The following SRFBP1 variants were observed in gnomAD, a reference collection of about 807,000 sequenced individuals.
SRFBP1 encodes serum response factor-binding protein 1.
SRFBP1 carries 47 observed loss-of-function variants against 45.5 expected under a neutral mutation model. The ratio of observed to expected loss-of-function variants is 1.03; its 90% CI spans 0.82 to 1.32. The LOEUF (loss-of-function observed/expected upper bound fraction) is 1.32, where lower values mean the gene tolerates loss of function less well. SRFBP1 is among the 40% of genes most tolerant of loss of function. SRFBP1 has a pLI of 0.00. For missense variants in SRFBP1, 621 were observed against 484.6 expected (o/e 1.28, Z -2.64); for synonymous variants, 203 against 166.3 (o/e 1.22, Z -1.70).
chr5:121,997,757 A>G (rs567389198), intron 4 of SRFBP1, among the ~76,000 whole-genome samples: 4 of 152,050 alleles, frequency 2.6e-5, no homozygotes, highest in African/African-American at 9.6e-5. Context: ...AATTTTCGCA[A>G]CCTACTCATC....
At chr5:122,039,946 CTT>C (rs1463303274) in intron 2 of SRFBP1, among the ~76,000 whole-genome samples, 2 of 152,074 alleles carry the variant, frequency 1.3e-5, no homozygotes, top group African/African-American at 4.8e-5. Flanking sequence ...CCTGGAGACT[CTT>C]TTTGCTTATC....
chr5:122,077,021 G>C, downstream of SRFBP1: 1 of 1,611,052 alleles, frequency 6.2e-7, no homozygotes, highest in South Asian at 1.1e-5. This position sits in a 1 kb window ranked among gnomAD's most constrained non-coding sequence, Gnocchi z 4.9. Context: ...AGCAGGCGAC[G>C]GGCGCAGCAG....
intron 2 of SRFBP1, among the ~76,000 whole-genome samples, chr5:122,048,272 C>T (rs1753900116): frequency 6.6e-6 from 1 of 152,160 alleles, no homozygotes; most frequent in African/African-American, 2.4e-5. Flanking sequence ...TGAATTTTCT[C>T]AGAGGCGTTT....
At chr5:122,077,435 T>G (rs372900070), downstream of SRFBP1, 1 of 1,614,060 alleles carries the variant, frequency 6.2e-7, no homozygotes. The surrounding 1 kb of genome is among the most constrained non-coding windows in gnomAD (Gnocchi z 4.9). Flanking sequence ...GTAGTAGTTG[T>G]AATAAGGGTT....
At chr5:121,971,641 C>T (rs1370818589) in intron 1 of SRFBP1, among the ~76,000 whole-genome samples, 1 of 151,950 alleles carries the variant, frequency 6.6e-6, no homozygotes, top group Non-Finnish European at 1.5e-5. Flanking sequence ...ATTAAATATG[C>T]ACACATAAGA....
At chr5:122,007,619 G>A (rs1175925497) in intron 4 of SRFBP1, among the ~76,000 whole-genome samples, 2 of 151,674 alleles carry the variant, frequency 1.3e-5, no homozygotes, top group Admixed American at 1.3e-4. Flanking sequence ...GGGCAGGCCC[G>A]GGACCTGTGT....
intron 3 of SRFBP1, among the ~76,000 whole-genome samples, chr5:121,991,585 T>C (rs1474511511): frequency 2.0e-5 from 3 of 152,192 alleles, no homozygotes; most frequent in Non-Finnish European, 4.4e-5. Context: ...GGAGCCTTAT[T>C]CTGAAAGTCA....
chr5:122,023,549 T>C (rs1753407859), intron 7 of SRFBP1, among the ~76,000 whole-genome samples: 1 of 152,230 alleles, frequency 6.6e-6, no homozygotes, highest in South Asian at 2.1e-4. Context: ...ACAGGTCTAC[T>C]ATCTGAAATT....
intron 2 of SRFBP1, among the ~76,000 whole-genome samples, chr5:122,071,445 G>A (rs954516548): frequency 6.6e-6 from 1 of 152,090 alleles, no homozygotes; most frequent in African/African-American, 2.4e-5. Context: ...TTTTGTTGAA[G>A]GGGTAAATGC....
Position 121,974,268 on chromosome 5 carries a change from C to T in SRFBP1, c.109C>T (p.Arg37Ter), listed in dbSNP as rs1370362238. The stretch of plus-strand genomic sequence containing the variant: ...CCGAAAACTTGTCAGGAGTGTTGGC[C>T]GACTGAAGTCAAAAAAGTTAGTCAT... Reference protein sequence around the residue: ...VIRKLVRSVGRLKSKKGTEDA... With the variant: ...VIRKLVRSVG The change falls in exon 2 of 8, where the codon CGA becomes TGA. Residue 37 changes from arginine to a stop codon, truncating the protein, a stop_gained. Transcript: ENST00000339397. LOFTEE classifies it high-confidence loss of function. The T allele has an allele frequency of 3.7e-6, 6 of 1,609,740 alleles. No individual in the cohort carries two copies. In the African/African-American group the frequency reaches 4.0e-5, roughly 11 times the overall value.
chr5:122,057,248 A>G (rs1312547055), intron 2 of SRFBP1, among the ~76,000 whole-genome samples: 2 of 152,132 alleles, frequency 1.3e-5, no homozygotes, highest in Admixed American at 1.3e-4. Flanking sequence ...AAACAGCTCC[A>G]AAAACAATGT....
intron 4 of SRFBP1, among the ~76,000 whole-genome samples, chr5:122,000,570 T>C (rs1752841832): frequency 6.6e-6 from 1 of 152,106 alleles, no homozygotes; most frequent in Non-Finnish European, 1.5e-5. Flanking sequence ...GAATTCTGTG[T>C]TGATAGCTCT....
At chr5:122,077,780 C>A, downstream of SRFBP1, 2 of 1,548,436 alleles carry the variant, frequency 1.3e-6, no homozygotes, top group Non-Finnish European at 1.7e-6. The surrounding 1 kb of genome is among the most constrained non-coding windows in gnomAD (Gnocchi z 4.9). Flanking sequence ...CGGGTCCCGG[C>A]GGCGCTGAGG....
At chr5:122,050,430 G>T (rs1356959475) in intron 2 of SRFBP1, among the ~76,000 whole-genome samples, 1 of 152,032 alleles carries the variant, frequency 6.6e-6, no homozygotes, top group Non-Finnish European at 1.5e-5. Context: ...ACTTATTATT[G>T]GTCTATTCAG....
In SRFBP1 at chr5:122,011,170, G is replaced by C. The variant is rs902268909; in HGVS notation, c.271-8090G>C. ...GTTTATTTATAGTCACTTTATTTTAGGTAGCATTTCAAAGAAGAGATCTTT... is the reference window on the plus strand; with the variant it reads ...GTTTATTTATAGTCACTTTATTTTACGTAGCATTTCAAAGAAGAGATCTTT... On this transcript the variant is annotated intron_variant, in intron 4 of 7. Coordinates refer to ENST00000339397, the MANE Select transcript of SRFBP1 (RefSeq NM_152546.3). Among the ~76,000 whole-genome samples the C allele has an allele frequency of 4.1e-4, 62 of 151,992 alleles. 1 individual carries two copies. The highest frequency in any genetic ancestry group is 1.0e-4 in the Non-Finnish European group (7 of 67,960).
intron 3 of SRFBP1, among the ~76,000 whole-genome samples, chr5:121,994,078 T>A (rs1580512743): frequency 6.6e-6 from 1 of 152,062 alleles, no homozygotes; most frequent in African/African-American, 2.4e-5. Flanking sequence ...CCGATTTTGT[T>A]CTTTCTTGAC....
chr5:122,077,086 C>T (rs1007224581), downstream of SRFBP1: 43 of 1,551,328 alleles, frequency 2.8e-5, no homozygotes, highest in Non-Finnish European at 3.6e-5. This position sits in a 1 kb window ranked among gnomAD's most constrained non-coding sequence, Gnocchi z 4.9. Context: ...GTCCCTTACT[C>T]CTCACCCTTC....
intron 4 of SRFBP1, among the ~76,000 whole-genome samples, chr5:122,016,670 C>T (rs1753199740): frequency 6.6e-6 from 1 of 152,122 alleles, no homozygotes; most frequent in Non-Finnish European, 1.5e-5. Context: ...CCTTCAGCAG[C>T]TCAGCTTGTC....
chr5:121,971,633 TA>T (rs1561575797), intron 1 of SRFBP1, among the ~76,000 whole-genome samples: 1 of 151,982 alleles, frequency 6.6e-6, no homozygotes, highest in East Asian at 1.9e-4. Context: ...GGTGGCAAAT[TA>T]AATATGCACA....
Sources: allele counts gnomAD v4.1 joint callset (sites outside exome capture counted in the v4.1 genomes callset), GRCh38; gene constraint gnomAD v4.1.1; non-coding constraint Gnocchi (gnomAD v3.1); transcripts MANE v1.5; gene names NCBI Gene and HGNC (gene_info 2026-07-23, HGNC 2026-07-21).